The following IGF2BP2 variants were observed in gnomAD, a reference collection of about 807,000 sequenced individuals.
IGF2BP2 encodes the protein insulin like growth factor 2 mRNA binding protein 2.
In IGF2BP2, 17 loss-of-function variants were observed where a neutral mutation model predicts 75.8. That is an observed-to-expected ratio of 0.22 (90% CI 0.15 to 0.34). The LOEUF is 0.34. Ranked by LOEUF, IGF2BP2 falls within the 10% of genes least tolerant of loss-of-function variation. The pLI is 1.00. For synonymous variants in IGF2BP2, 288 were observed against 295.6 expected (o/e 0.97, Z 0.26); for missense variants, 516 against 772.4 (o/e 0.67, Z 3.93).
intron 2 of IGF2BP2, chr3:185,713,618 C>T (rs1725154285): frequency 2.4e-6 from 1 of 408,456 alleles, no homozygotes; most frequent in Non-Finnish European, 4.9e-6. Context: ...TTCTGTGGAT[C>T]TCAGCAAATC....
chr3:185,733,756 C>CAATAAT (rs1006790712), intron 2 of IGF2BP2, among the ~76,000 whole-genome samples: 7 of 150,758 alleles, frequency 4.6e-5, no homozygotes, highest in Non-Finnish European at 1.0e-4. Context: ...AACTCCGCCT[C>CAATAAT]AATAATAATA....
chr3:185,746,467 T>C (rs1730262150), intron 2 of IGF2BP2, among the ~76,000 whole-genome samples: 2 of 152,166 alleles, frequency 1.3e-5, no homozygotes. Context: ...AACGATTATT[T>C]TCCTATGAGC....
chr3:185,770,281 GC>G (rs1733704086), intron 2 of IGF2BP2, among the ~76,000 whole-genome samples: 1 of 152,216 alleles, frequency 6.6e-6, no homozygotes, highest in South Asian at 2.1e-4. Context: ...GACTGGTCGA[GC>G]AGGACCGGCC....
chr3:185,664,622 AC>A (rs1224694290), intron 10 of IGF2BP2, among the ~76,000 whole-genome samples: 1 of 152,194 alleles, frequency 6.6e-6, no homozygotes, highest in African/African-American at 2.4e-5. Flanking sequence ...CAATCAGAGA[AC>A]CAGAGTGACC....
chr3:185,748,065 C>T (rs1468255356), intron 2 of IGF2BP2, among the ~76,000 whole-genome samples: 1 of 152,016 alleles, frequency 6.6e-6, no homozygotes, highest in African/African-American at 2.4e-5. Context: ...CTGTGTTAGC[C>T]AGGATGGTCT....
intron 2 of IGF2BP2, among the ~76,000 whole-genome samples, chr3:185,763,759 G>GAT (rs1218125563): frequency 6.6e-6 from 1 of 152,140 alleles, no homozygotes; most frequent in East Asian, 1.9e-4. Flanking sequence ...TGCTAACAGT[G>GAT]GTTATCTCCA....
chr3:185,763,292 C>T (rs1732622863), intron 2 of IGF2BP2, among the ~76,000 whole-genome samples: 1 of 152,136 alleles, frequency 6.6e-6, no homozygotes, highest in South Asian at 2.1e-4. Flanking sequence ...AGCTTTTTCT[C>T]TCTTCAAGGC....
At chr3:185,667,346 A>G (rs998177756) in intron 10 of IGF2BP2, among the ~76,000 whole-genome samples, 1 of 152,152 alleles carries the variant, frequency 6.6e-6, no homozygotes, top group Non-Finnish European at 1.5e-5. Flanking sequence ...TGCGGTAGCA[A>G]GTGCTTGTAG....
At chr3:185,672,472 C>A in intron 10 of IGF2BP2, 69 bp downstream of exon 10, 2 of 1,506,648 alleles carry the variant, frequency 1.3e-6, no homozygotes, top group South Asian at 2.5e-5. Flanking sequence ...TGATTCCACA[C>A]AGCAGAGGCA....
intron 12 of IGF2BP2, among the ~76,000 whole-genome samples, chr3:185,656,100 T>C (rs541339861): frequency 6.6e-6 from 1 of 152,378 alleles, no homozygotes; most frequent in South Asian, 2.1e-4. Context: ...AAACGGTCCT[T>C]TCTCCTGCCG....
rs1257013219 is a variant in IGF2BP2 at position 185,654,671 on chromosome 3, T to C, written c.1387-2503A>G. Among the ~76,000 whole-genome samples, 5 of 152,238 alleles carry C rather than the reference T, an allele frequency of 3.3e-5. No individual in the cohort carries two copies. The South Asian group carries it at 6.2e-4, about 19-fold the overall frequency. On this transcript the variant is annotated intron_variant, in intron 12 of 15. Transcript: ENST00000382199. ...TGTCATTCCATGCACACACTCCCTCTAAAGGGGCAGGAATGAGGACCCCAT... is the reference window on the plus strand; with the variant it reads ...TGTCATTCCATGCACACACTCCCTCCAAAGGGGCAGGAATGAGGACCCCAT...
chr3:185,817,160 C>T (rs1740722123), intron 2 of IGF2BP2, among the ~76,000 whole-genome samples: 1 of 152,086 alleles, frequency 6.6e-6, no homozygotes, highest in South Asian at 2.1e-4. Flanking sequence ...TGGGAAAATC[C>T]TATCTGAATG....
intron 2 of IGF2BP2, among the ~76,000 whole-genome samples, chr3:185,771,742 G>A (rs1733903054): frequency 6.6e-6 from 1 of 151,896 alleles, no homozygotes; most frequent in African/African-American, 2.4e-5. Context: ...CTTGTCCTCT[G>A]AGTTTTTTTT....
chr3:185,740,269 T>G (rs1258352660), intron 2 of IGF2BP2, among the ~76,000 whole-genome samples: 2 of 152,216 alleles, frequency 1.3e-5, no homozygotes, highest in Non-Finnish European at 2.9e-5. Context: ...AAGATACATA[T>G]CATACAAGGT....
chr3:185,645,564 G>A lies in IGF2BP2; in HGVS notation c.1767C>T (p.Tyr589=), dbSNP rs1553845391. ...TGCGCTGTGAGGCGACTCCCTGAGGGTATTTCTGCTCCTGCTGCTTCACCT... is the reference window on the plus strand; with the variant it reads ...TGCGCTGTGAGGCGACTCCCTGAGGATATTTCTGCTCCTGCTGCTTCACCT... ...VQQVKQQEQK[Y]PQGVASQRSK Residue 589 remains tyrosine, a synonymous_variant, in exon 16 of 16, where the codon TAC becomes TAT. Transcript: ENST00000382199. This position sits in a 1 kb window ranked among gnomAD's most constrained non-coding sequence, Gnocchi z 4.9. 6.2e-7 allele frequency: 1 copy of A among 1,613,694 alleles called. No homozygotes were observed. The highest frequency in any genetic ancestry group is 8.5e-7 in the Non-Finnish European group (1 of 1,179,610).
At chr3:185,661,458 G>A (rs576368143) in intron 10 of IGF2BP2, among the ~76,000 whole-genome samples, 3 of 152,032 alleles carry the variant, frequency 2.0e-5, no homozygotes, top group East Asian at 1.9e-4. Flanking sequence ...CCAACATGGC[G>A]AAACCCCATC....
Position 185,769,366 on chromosome 3 carries a change from T to A in IGF2BP2, c.239+53787A>T, listed in dbSNP as rs200980416. On this transcript the variant is annotated intron_variant, in intron 2 of 15. Transcript: ENST00000382199. ...TGACACCCTGTCTCCAAATTTTTTTTAAAAAAAAGGTGAATCTATTGTTTA... is the reference window on the plus strand; with the variant it reads ...TGACACCCTGTCTCCAAATTTTTTTAAAAAAAAAGGTGAATCTATTGTTTA... Among the ~76,000 whole-genome samples the A allele has an allele frequency of 1.7e-3, 255 of 151,594 alleles. 9 individuals are homozygous for A. In the East Asian group the frequency reaches 0.037, roughly 22 times the overall value.
chr3:185,816,064 C>G (rs1264071604), intron 2 of IGF2BP2, among the ~76,000 whole-genome samples: 2 of 152,122 alleles, frequency 1.3e-5, no homozygotes, highest in Non-Finnish European at 2.9e-5. Flanking sequence ...ACACGTAAAC[C>G]ACAACACAGC....
intron 2 of IGF2BP2, among the ~76,000 whole-genome samples, chr3:185,811,703 T>C (rs1169666102): frequency 1.3e-5 from 2 of 152,152 alleles, no homozygotes; most frequent in African/African-American, 4.8e-5. Flanking sequence ...AAACATACGG[T>C]GATCTCTTAC....
Sources: allele counts gnomAD v4.1 joint callset (sites outside exome capture counted in the v4.1 genomes callset), GRCh38; gene constraint gnomAD v4.1.1; non-coding constraint Gnocchi (gnomAD v3.1); transcripts MANE v1.5; gene names NCBI Gene and HGNC (gene_info 2026-07-23, HGNC 2026-07-21).